GABRB3: variants seen among roughly 807,000 people sequenced by gnomAD.
GABRB3 encodes gamma-aminobutyric acid type A receptor subunit beta3, also known as gamma-aminobutyric acid receptor subunit beta-3.
A neutral mutation model predicts 52.1 loss-of-function variants in GABRB3; 14 were observed. The observed-to-expected ratio is 0.27, with a 90% CI of 0.18 to 0.42. The LOEUF (loss-of-function observed/expected upper bound fraction) is 0.42. Ranked by LOEUF, GABRB3 falls within the 10% of genes least tolerant of loss-of-function variation. GABRB3 has a pLI of 1.00. For synonymous variants in GABRB3, 260 were observed against 232.3 expected (o/e 1.12, Z -1.08); for missense variants, 307 against 609.1 (o/e 0.50, Z 5.22).
chr15:26,599,180 T>A (rs555452759), intron 4 of GABRB3, among the ~76,000 whole-genome samples: 1 of 152,108 alleles, frequency 6.6e-6, no homozygotes, highest in Non-Finnish European at 1.5e-5. Context: ...AACCAGAAAG[T>A]CAAGCAGTGT....
chr15:26,694,064 C>T (rs1853229256), intron 3 of GABRB3, among the ~76,000 whole-genome samples: 1 of 151,912 alleles, frequency 6.6e-6, no homozygotes, highest in African/African-American at 2.4e-5. Flanking sequence ...GCCTGGGCAA[C>T]ATAGTAACAT....
intron 3 of GABRB3, among the ~76,000 whole-genome samples, chr15:26,771,384 G>A (rs999645095): frequency 6.6e-6 from 1 of 152,132 alleles, no homozygotes; most frequent in African/African-American, 2.4e-5. Context: ...TGATTCCGAC[G>A]TACACGAGAG....
chr15:26,651,191 C>T (rs571231310), intron 3 of GABRB3, among the ~76,000 whole-genome samples: 75 of 152,356 alleles, frequency 4.9e-4, no homozygotes, highest in Middle Eastern at 6.8e-3. Context: ...CACCGGAACA[C>T]GCCACCTAGG....
intron 3 of GABRB3, among the ~76,000 whole-genome samples, chr15:26,726,430 G>A (rs181845694): frequency 5.4e-4 from 82 of 152,292 alleles, no homozygotes; most frequent in African/African-American, 1.9e-3. Context: ...GTCACTGATA[G>A]TTCCACGTTA....
intron 3 of GABRB3, among the ~76,000 whole-genome samples, chr15:26,626,107 G>A (rs1474126636): frequency 3.9e-5 from 6 of 152,260 alleles, no homozygotes; most frequent in Admixed American, 6.5e-5. Flanking sequence ...ATTTTCACAA[G>A]ATTTCAATCT....
intron 3 of GABRB3, among the ~76,000 whole-genome samples, chr15:26,730,869 A>G (rs989414423): frequency 1.3e-5 from 2 of 152,234 alleles, no homozygotes; most frequent in African/African-American, 4.8e-5. Flanking sequence ...CTTTTCTCAT[A>G]GGAGCATTGT....
intron 3 of GABRB3, among the ~76,000 whole-genome samples, chr15:26,731,499 A>G (rs1044910930): frequency 6.6e-5 from 10 of 152,318 alleles, no homozygotes; most frequent in African/African-American, 2.4e-4. Flanking sequence ...ACCCACATGG[A>G]AAGTAGAGTA....
chr15:26,675,582 T>C (rs1332640679), intron 3 of GABRB3, among the ~76,000 whole-genome samples: 1 of 152,080 alleles, frequency 6.6e-6, no homozygotes, highest in Non-Finnish European at 1.5e-5. Flanking sequence ...TTGAGATAGG[T>C]ATAGGAACCA....
At chr15:26,624,934 G>C (rs1892632988) in intron 3 of GABRB3, 1 of 985,438 alleles carries the variant, frequency 1.0e-6, no homozygotes. Flanking sequence ...CCGCTTGTGT[G>C]AGTGATCCTT....
intron 8 of GABRB3, among the ~76,000 whole-genome samples, chr15:26,554,144 G>GTATATATATATAAAGTA (rs1889626338): frequency 3.1e-5 from 1 of 32,304 alleles, no homozygotes; most frequent in Non-Finnish European, 6.0e-5. Flanking sequence ...TATATATAAA[G>GTATATATATATAAAGTA]TATATATATA....
intron 6 of GABRB3, among the ~76,000 whole-genome samples, chr15:26,578,764 T>C (rs893795722): frequency 1.2e-4 from 18 of 152,378 alleles, no homozygotes; most frequent in African/African-American, 4.3e-4. Context: ...GCCTCTGTTC[T>C]GAGCAGACCT....
chr15:26,703,849 C>T (rs927391969), intron 3 of GABRB3, among the ~76,000 whole-genome samples: 1 of 152,172 alleles, frequency 6.6e-6, no homozygotes, highest in African/African-American at 2.4e-5. Context: ...GAGGATGAAC[C>T]CCCAAAGCCC....
intron 3 of GABRB3, among the ~76,000 whole-genome samples, chr15:26,728,877 T>C (rs1889837819): frequency 6.6e-6 from 1 of 152,164 alleles, no homozygotes; most frequent in South Asian, 2.1e-4. Flanking sequence ...GCAATTTAAA[T>C]GCATATGGTT....
rs780661570 is a variant in GABRB3, at chr15:26,772,725, T to C, written c.128A>G (p.Lys43Arg). 3 of 1,577,522 alleles carry C rather than the reference T, an allele frequency of 1.9e-6. No homozygotes were observed. The highest frequency in any genetic ancestry group is 2.6e-6 in the Non-Finnish European group (3 of 1,161,492). Residue 43 changes from lysine to arginine, a missense_variant, in exon 2 of 9, where the codon AAG becomes AGG. Coordinates refer to ENST00000311550, the MANE Select transcript of GABRB3 (RefSeq NM_000814.6). ...GCGAATGTCGTAGCCTTTCAACAGC[T>C]TGTCCACCGTCTCCTTCACAAAGGA... The part of the protein sequence containing the change: ...NMSFVKETVD[K>R]LLKGYDIRLR...
At chr15:26,732,211 T>C (rs12914808) in intron 3 of GABRB3, among the ~76,000 whole-genome samples, 63,858 of 150,282 alleles carry the variant, frequency 0.42, 15,868 homozygotes, top group Admixed American at 0.59. Flanking sequence ...GGTGGATGGA[T>C]GGATGAATGG....
chr15:26,621,540 G>A lies in GABRB3; in HGVS notation c.241-6C>T, dbSNP rs773730421. The A allele has an allele frequency of 2.5e-6, 4 of 1,607,372 alleles. No individual in the cohort carries two copies. The South Asian group carries it at 4.4e-5, about 18-fold the overall frequency. On this transcript the variant is annotated splice_polypyrimidine_tract_variant and splice_region_variant and intron_variant, in intron 3 of 8. Transcript: ENST00000311550. The surrounding 1 kb of genome is among the most constrained non-coding windows in gnomAD (Gnocchi z 4.1). Reference sequence around the variant, plus strand: ...TACATGGTTAAGGTATAATCCTGGGGGGAAAAGAAAAGAAAGAAAGTTAGT... The same window carrying A: ...TACATGGTTAAGGTATAATCCTGGGAGGAAAAGAAAAGAAAGAAAGTTAGT...
At chr15:26,595,258 G>C (rs1891355580) in intron 4 of GABRB3, among the ~76,000 whole-genome samples, 1 of 152,090 alleles carries the variant, frequency 6.6e-6, no homozygotes, top group South Asian at 2.1e-4. Context: ...TGAACATCTT[G>C]CTTCAGTCTT....
At chr15:26,716,687 T>C (rs1889476827) in intron 3 of GABRB3, 2 of 1,006,762 alleles carry the variant, frequency 2.0e-6, no homozygotes, top group Non-Finnish European at 2.4e-6. Context: ...AATCATCCAA[T>C]TATTTTTATC....
At chr15:26,630,392 C>T (rs1233906489) in intron 3 of GABRB3, among the ~76,000 whole-genome samples, 1 of 152,216 alleles carries the variant, frequency 6.6e-6, no homozygotes, top group African/African-American at 2.4e-5. Context: ...CTCCAGTCTA[C>T]TGGGAACTGG....
Sources: gnomAD v4.1 joint callset for allele counts (sites outside exome capture counted in the v4.1 genomes callset) on GRCh38, gnomAD v4.1.1 for gene constraint, Gnocchi (gnomAD v3.1) non-coding constraint, MANE v1.5 for transcripts, NCBI Gene and HGNC (gene_info 2026-07-23, HGNC 2026-07-21) for gene names.